Variants in CHRM3 observed in about 807,000 individuals in gnomAD.
The protein encoded by CHRM3 is muscarinic acetylcholine receptor M3.
Under a neutral mutation model 41.8 loss-of-function variants are expected in CHRM3, and 11 were observed. That is an observed-to-expected ratio of 0.26 (90% CI 0.17 to 0.44). The LOEUF is 0.44. Among genes scored for constraint, CHRM3 ranks in the 20% least tolerant of loss-of-function variants. The pLI is 1.00. For synonymous variants in CHRM3, 297 were observed against 301.4 expected (o/e 0.99, Z 0.15); for missense variants, 571 against 745.4 (o/e 0.77, Z 2.72).
chr1:239,865,946 C>T (rs1676052982), intron 6 of CHRM3, among the ~76,000 whole-genome samples: 2 of 152,076 alleles, frequency 1.3e-5, no homozygotes, highest in Admixed American at 1.3e-4. Context: ...AGGGAAAGAG[C>T]ACTTGCCTCC....
intron 6 of CHRM3, among the ~76,000 whole-genome samples, chr1:239,893,771 C>T (rs1301156319): frequency 6.6e-6 from 1 of 151,152 alleles, no homozygotes; most frequent in Non-Finnish European, 1.5e-5. Flanking sequence ...AAAACATGTC[C>T]CTGAAAAAAC....
In CHRM3 at chr1:239,780,545, A is replaced by G. The variant is rs551012463; in HGVS notation, c.-146-46707A>G. Among the ~76,000 whole-genome samples, 227 of 152,022 alleles carry G rather than the reference A, an allele frequency of 1.5e-3. 10 individuals carry two copies. The South Asian group carries it at 0.045, about 30-fold the overall frequency. On this transcript the variant is annotated intron_variant, in intron 5 of 6. Transcript: ENST00000676153. ...ACAGTTCTTTATGTGTTTTGCAAAT[A>G]TTTTCTTCCAGTCTGTGACTTTTCT...
At chr1:239,406,359 A>T (rs1027523272) in intron 1 of CHRM3, among the ~76,000 whole-genome samples, 4 of 152,188 alleles carry the variant, frequency 2.6e-5, no homozygotes, top group Non-Finnish European at 5.9e-5. Context: ...TATGCGAGAA[A>T]CAAACGCTTT....
intron 5 of CHRM3, among the ~76,000 whole-genome samples, chr1:239,767,930 G>C (rs1036547526): frequency 2.6e-5 from 4 of 152,060 alleles, no homozygotes; most frequent in Admixed American, 2.6e-4. Context: ...AGTGGGACGT[G>C]AGAGCCTGCA....
At chr1:239,607,751 A>T (rs1379985157) in intron 3 of CHRM3, among the ~76,000 whole-genome samples, 2 of 152,170 alleles carry the variant, frequency 1.3e-5, no homozygotes, top group African/African-American at 4.8e-5. Flanking sequence ...CACCTGAAAA[A>T]TATCCCAAAT....
Position 239,910,070 on chromosome 1 carries a change from C to G in CHRM3, c.*846C>G, listed in dbSNP as rs772672161. 1 of 166,960 alleles carries G rather than the reference C, an allele frequency of 6.0e-6. No homozygotes were observed. Among genetic ancestry groups the G allele is most frequent in the Middle Eastern group, 3.1e-3 (1 of 318 alleles). 10.3% of individuals were successfully genotyped at this position (166,960 alleles called of 1,614,324 possible). On this transcript the variant is annotated 3_prime_UTR_variant, in exon 7 of 7. Transcript: ENST00000676153. Reference sequence around the variant, plus strand: ...GCCTTCCCAGCAGGTCTGTGCAGAGCGGACAGGCTCGTGAGTCAGCTGAGC... The same window carrying G: ...GCCTTCCCAGCAGGTCTGTGCAGAGGGGACAGGCTCGTGAGTCAGCTGAGC...
At chr1:239,476,621 AT>A (rs1485563275) in intron 1 of CHRM3, among the ~76,000 whole-genome samples, 1 of 152,192 alleles carries the variant, frequency 6.6e-6, no homozygotes, top group African/African-American at 2.4e-5. Flanking sequence ...GTCAGTGAAG[AT>A]TTAGATATAG....
intron 3 of CHRM3, among the ~76,000 whole-genome samples, chr1:239,553,263 A>G (rs2148453379): frequency 6.6e-6 from 1 of 152,260 alleles, no homozygotes. Context: ...ATTTTTGAAA[A>G]TAAAATTAAT....
intron 5 of CHRM3, among the ~76,000 whole-genome samples, chr1:239,749,485 A>G (rs937544991): frequency 2.0e-5 from 3 of 152,176 alleles, no homozygotes; most frequent in South Asian, 4.1e-4. Context: ...CCTGGCCAAC[A>G]TGGTGAAACC....
chr1:239,428,603 G>C (rs1264261195), intron 1 of CHRM3, among the ~76,000 whole-genome samples: 1 of 152,162 alleles, frequency 6.6e-6, no homozygotes, highest in African/African-American at 2.4e-5. Context: ...TTAGTCATAA[G>C]AATACTTGAC....
intron 4 of CHRM3, among the ~76,000 whole-genome samples, chr1:239,634,587 A>G (rs1482312030): frequency 6.6e-6 from 1 of 152,036 alleles, no homozygotes; most frequent in Non-Finnish European, 1.5e-5. Flanking sequence ...TAATGGTCAA[A>G]ATATGGTCAC....
chr1:239,658,422 C>T (rs1265908467), intron 4 of CHRM3, among the ~76,000 whole-genome samples: 2 of 152,090 alleles, frequency 1.3e-5, no homozygotes, highest in Non-Finnish European at 2.9e-5. Flanking sequence ...TGCAAGAGGC[C>T]GAAGAGCCAA....
At chr1:239,746,000 A>T in intron 5 of CHRM3, among the ~76,000 whole-genome samples, 1 of 152,160 alleles carries the variant, frequency 6.6e-6, no homozygotes, top group Non-Finnish European at 1.5e-5. Flanking sequence ...TAATCATTTC[A>T]TTTAATTCGT....
intron 5 of CHRM3, among the ~76,000 whole-genome samples, chr1:239,809,500 G>C (rs1670943875): frequency 6.6e-6 from 1 of 151,146 alleles, no homozygotes; most frequent in Non-Finnish European, 1.5e-5. Flanking sequence ...ATTGTTTTTT[G>C]TTTGTTTGTT....
chr1:239,515,419 T>C (rs1020562342), intron 2 of CHRM3, among the ~76,000 whole-genome samples: 1 of 151,452 alleles, frequency 6.6e-6, no homozygotes, highest in Non-Finnish European at 1.5e-5. Flanking sequence ...TTTGTTTTTT[T>C]TTTTTTTAAT....
chr1:239,451,725 G>T (rs1426125372), intron 1 of CHRM3, among the ~76,000 whole-genome samples: 1 of 152,118 alleles, frequency 6.6e-6, no homozygotes, highest in Non-Finnish European at 1.5e-5. Flanking sequence ...AGGATGGGAA[G>T]AAATTTATAA....
chr1:239,795,891 C>G lies in CHRM3; in HGVS notation c.-146-31361C>G, dbSNP rs1043038504. On this transcript the variant is annotated intron_variant, in intron 5 of 6. Coordinates refer to ENST00000676153, the MANE Select transcript of CHRM3 (RefSeq NM_001375978.1). ...CCTGACCAATTCATCTTAGTCTGAG[C>G]TTAGTATAAATAAACTATCATTTCC... is the stretch of plus-strand genomic sequence containing the variant. Among the ~76,000 whole-genome samples the G allele has an allele frequency of 3.2e-4, 48 of 152,246 alleles. 1 individual carries two copies. The highest frequency in any genetic ancestry group is 9.1e-4 in the African/African-American group (38 of 41,558).
chr1:239,843,034 A>G (rs1177359360), intron 6 of CHRM3, among the ~76,000 whole-genome samples: 1 of 152,118 alleles, frequency 6.6e-6, no homozygotes, highest in East Asian at 1.9e-4. Flanking sequence ...CCCACCACAC[A>G]CTTAATAAGG....
intron 5 of CHRM3, among the ~76,000 whole-genome samples, chr1:239,780,827 GT>G (rs1302413185): frequency 3.3e-5 from 5 of 152,108 alleles, no homozygotes; most frequent in Non-Finnish European, 7.4e-5. Flanking sequence ...TTGTGTGTGT[GT>G]GTGTGTGTGT....
Sources: allele counts gnomAD v4.1 joint callset (sites outside exome capture counted in the v4.1 genomes callset), GRCh38; gene constraint gnomAD v4.1.1; transcripts MANE v1.5; gene names NCBI Gene and HGNC (gene_info 2026-07-23, HGNC 2026-07-21).